The following ADAMTS12 variants were observed in gnomAD, a reference collection of about 807,000 sequenced individuals.
The protein encoded by ADAMTS12 is A disintegrin and metalloproteinase with thrombospondin motifs 12.
ADAMTS12 carries 118 observed loss-of-function variants against 167.8 expected under a neutral mutation model. The observed-to-expected ratio is 0.70, with a 90% CI of 0.61 to 0.82. The LOEUF is 0.82. Ranked by LOEUF, ADAMTS12 falls within the 40% of genes least tolerant of loss-of-function variation. The probability of loss-of-function intolerance (pLI) is 0.00; values close to 1 mark genes in which losing one functional copy is unlikely to be tolerated. For missense variants in ADAMTS12, 1,916 were observed against 1,998.8 expected, an observed-to-expected ratio of 0.96 and a Z score of 0.79; for synonymous variants, 704 against 716.9, an observed-to-expected ratio of 0.98 and a Z score of 0.29.
intron 1 of ADAMTS12, among the ~76,000 whole-genome samples, chr5:33,889,781 G>A (rs544747276): frequency 4.6e-5 from 7 of 152,102 alleles, no homozygotes; most frequent in African/African-American, 9.6e-5. Context: ...GTGAAACCTC[G>A]TCTGTACTAA....
At chr5:33,552,077 GT>G (rs1470539063) in intron 20 of ADAMTS12, among the ~76,000 whole-genome samples, 8 of 152,202 alleles carry the variant, frequency 5.3e-5, no homozygotes, top group Non-Finnish European at 1.2e-4. Flanking sequence ...CACTACATCA[GT>G]TTGTTTAATT....
chr5:33,651,134 GA>G (rs1193961631), intron 7 of ADAMTS12, among the ~76,000 whole-genome samples: 1 of 152,092 alleles, frequency 6.6e-6, no homozygotes, highest in African/African-American at 2.4e-5. Flanking sequence ...GTGGTTCAAC[GA>G]AAGCTTCCTT....
chr5:33,628,899 G>A (rs1213680402), intron 13 of ADAMTS12, among the ~76,000 whole-genome samples: 4 of 152,136 alleles, frequency 2.6e-5, no homozygotes, highest in African/African-American at 9.7e-5. Context: ...CAAAGAGTAA[G>A]GCAGGCTGAT....
chr5:33,759,649 T>C (rs1579912249), intron 2 of ADAMTS12, among the ~76,000 whole-genome samples: 1 of 152,202 alleles, frequency 6.6e-6, no homozygotes, highest in African/African-American at 2.4e-5. Context: ...ATGGTTAACA[T>C]AGTTGTTTAT....
chr5:33,635,279 C>A (rs1035496854), intron 12 of ADAMTS12, among the ~76,000 whole-genome samples: 1 of 152,110 alleles, frequency 6.6e-6, no homozygotes, highest in African/African-American at 2.4e-5. Context: ...TCTAGCAGAG[C>A]TCCTGGCTTA....
intron 2 of ADAMTS12, among the ~76,000 whole-genome samples, chr5:33,796,061 A>G (rs1356238839): frequency 6.6e-6 from 1 of 152,262 alleles, no homozygotes; most frequent in African/African-American, 2.4e-5. Context: ...TGCCTGTGGC[A>G]TTGTTTGTAA....
At chr5:33,718,782 G>A (rs764094231) in intron 3 of ADAMTS12, among the ~76,000 whole-genome samples, 4 of 152,162 alleles carry the variant, frequency 2.6e-5, no homozygotes, top group Non-Finnish European at 5.9e-5. Context: ...AAAATGATAA[G>A]GAAAGAGCCA....
intron 2 of ADAMTS12, among the ~76,000 whole-genome samples, chr5:33,761,985 G>A (rs1745374769): frequency 6.6e-6 from 1 of 152,042 alleles, no homozygotes; most frequent in Non-Finnish European, 1.5e-5. Flanking sequence ...CTGAGGTCAC[G>A]AGTTTGAGAC....
At chr5:33,810,163 T>C (rs1377162304) in intron 2 of ADAMTS12, among the ~76,000 whole-genome samples, 1 of 152,078 alleles carries the variant, frequency 6.6e-6, no homozygotes. Context: ...TTTTACTGTC[T>C]AGAGAACGCT....
chr5:33,811,139 C>T (rs1747445846), intron 2 of ADAMTS12, among the ~76,000 whole-genome samples: 2 of 152,052 alleles, frequency 1.3e-5, no homozygotes. Context: ...AACATGGGGG[C>T]TAATAGTACG....
At chr5:33,738,799 G>C (rs1744463578) in intron 3 of ADAMTS12, among the ~76,000 whole-genome samples, 1 of 152,232 alleles carries the variant, frequency 6.6e-6, no homozygotes, top group Admixed American at 6.5e-5. Flanking sequence ...CCAGTGTTCT[G>C]GAGGAGCTGG....
intron 5 of ADAMTS12, among the ~76,000 whole-genome samples, chr5:33,681,888 A>G (rs1288700716): frequency 6.6e-6 from 1 of 152,204 alleles, no homozygotes; most frequent in African/African-American, 2.4e-5. Flanking sequence ...CATGAAAGTC[A>G]CCACAGGTCA....
intron 2 of ADAMTS12, among the ~76,000 whole-genome samples, chr5:33,806,919 T>C (rs902878494): frequency 2.0e-5 from 3 of 152,178 alleles, no homozygotes; most frequent in Non-Finnish European, 2.9e-5. Flanking sequence ...CTGCCCGCAC[T>C]CTAACTCCTG....
At chr5:33,624,524 A>C (rs555200283) in intron 13 of ADAMTS12, among the ~76,000 whole-genome samples, 173 bp from the exon 14 acceptor site, 1 of 152,336 alleles carries the variant, frequency 6.6e-6, no homozygotes, top group East Asian at 1.9e-4. Flanking sequence ...AGCATCCACC[A>C]ATGGTAAAGG....
intron 2 of ADAMTS12, among the ~76,000 whole-genome samples, chr5:33,763,035 CAAAG>C (rs1429983626): frequency 1.3e-5 from 2 of 152,058 alleles, no homozygotes; most frequent in Non-Finnish European, 2.9e-5. Flanking sequence ...AGGGAAATGA[CAAAG>C]AAGGCAAATG....
chr5:33,722,113 G>T (rs977336988), intron 3 of ADAMTS12, among the ~76,000 whole-genome samples: 3 of 152,286 alleles, frequency 2.0e-5, no homozygotes, highest in Admixed American at 1.3e-4. Flanking sequence ...ATATCAAACT[G>T]CAATGTGACT....
intron 2 of ADAMTS12, among the ~76,000 whole-genome samples, chr5:33,792,945 T>G (rs1188769336): frequency 6.6e-6 from 1 of 152,212 alleles, no homozygotes; most frequent in African/African-American, 2.4e-5. Flanking sequence ...AAGGAGCCTG[T>G]GTCCTCTGTT....
chr5:33,658,979 C>T (rs533329086), intron 6 of ADAMTS12, among the ~76,000 whole-genome samples: 24 of 152,242 alleles, frequency 1.6e-4, no homozygotes, highest in African/African-American at 5.3e-4. Flanking sequence ...ATTTCAATCA[C>T]GGACAAGACT....
At chr5:33,784,648 A>G (rs527311658) in intron 2 of ADAMTS12, among the ~76,000 whole-genome samples, 1 of 152,170 alleles carries the variant, frequency 6.6e-6, no homozygotes, top group Admixed American at 6.5e-5. Flanking sequence ...AATGTGCAAT[A>G]TCTATATCCT....
Sources: allele counts gnomAD v4.1 joint callset (sites outside exome capture counted in the v4.1 genomes callset), GRCh38; gene constraint gnomAD v4.1.1; transcripts MANE v1.5; gene names NCBI Gene and HGNC (gene_info 2026-07-23, HGNC 2026-07-21).